MID1: variants seen among roughly 807,000 people sequenced by gnomAD.
MID1 encodes the protein E3 ubiquitin-protein ligase Midline-1.
Under a neutral mutation model 40.4 loss-of-function variants are expected in MID1, and 7 were observed. That is an observed-to-expected ratio of 0.17 (90% CI 0.10 to 0.33). MID1 has a LOEUF of 0.33. MID1 is among the 10% of genes least tolerant of loss of function. The pLI is 1.00. For missense variants in MID1, 367 were observed against 558.5 expected (o/e 0.66, Z 3.46); for synonymous variants, 229 against 221.2 (o/e 1.04, Z -0.31).
chrX:10,635,347 A>G (rs761366869), intron 1 of MID1, among the ~76,000 whole-genome samples: 2 of 112,452 alleles, frequency 1.8e-5, no homozygotes, highest in South Asian at 7.4e-4. Flanking sequence ...CAAACATTTC[A>G]AATGCTTCTA....
intron 1 of MID1, among the ~76,000 whole-genome samples, chrX:10,809,574 C>T (rs1309171255): frequency 1.8e-4 from 20 of 111,551 alleles, no homozygotes; most frequent in East Asian, 1.4e-3. Flanking sequence ...GTGGCACATA[C>T]ACACCATGGA....
At chrX:10,700,291 C>T (rs754813220) in intron 1 of MID1, among the ~76,000 whole-genome samples, 1 of 111,520 alleles carries the variant, frequency 9.0e-6, no homozygotes, top group East Asian at 2.8e-4. Context: ...ATGCCTCATG[C>T]CTGTAATTTC....
intron 3 of MID1, chrX:10,506,100 G>A (rs1432483901): frequency 1.2e-6 from 1 of 821,638 alleles, no homozygotes; most frequent in Non-Finnish European, 1.5e-6. Context: ...ATCTTGCCCT[G>A]TTGTTGTCAT....
intron 1 of MID1, among the ~76,000 whole-genome samples, chrX:10,724,572 G>C (rs1212834051): frequency 8.9e-6 from 1 of 112,172 alleles, no homozygotes; most frequent in Non-Finnish European, 1.9e-5. Flanking sequence ...TAGAGGATGA[G>C]GGCAAGATCT....
chrX:10,484,127 G>T (rs1418152098), intron 4 of MID1, among the ~76,000 whole-genome samples: 1 of 108,653 alleles, frequency 9.2e-6, no homozygotes, highest in Non-Finnish European at 1.9e-5. Context: ...GCTAAGGAAG[G>T]CATCCAGTAC....
At chrX:10,539,513 T>C (rs1026578753) in intron 2 of MID1, among the ~76,000 whole-genome samples, 1 of 112,253 alleles carries the variant, frequency 8.9e-6, no homozygotes, top group African/African-American at 3.2e-5. Flanking sequence ...GAGACTTCAC[T>C]ATAAATTGAG....
chrX:10,533,378 A>AAGAAAGAAAGAAAGAAAGAG (rs775558538), intron 2 of MID1, among the ~76,000 whole-genome samples: 1 of 56,543 alleles, frequency 1.8e-5, no homozygotes, highest in East Asian at 8.4e-4. Flanking sequence ...GAAAGAAAGA[A>AAGAAAGAAAGAAAGAAAGAG]AAAGAAAGAA....
At chrX:10,683,462 A>G (rs887929392) in intron 1 of MID1, among the ~76,000 whole-genome samples, 1 of 110,888 alleles carries the variant, frequency 9.0e-6, no homozygotes, top group Non-Finnish European at 1.9e-5. Flanking sequence ...GGATCGCTTG[A>G]GCTCAGGAGG....
At chrX:10,665,528 C>CTT (rs373056802) in intron 1 of MID1, among the ~76,000 whole-genome samples, 7 of 96,445 alleles carry the variant, frequency 7.3e-5, no homozygotes, top group Non-Finnish European at 4.2e-5. Flanking sequence ...CAAATAGCCA[C>CTT]TTTTTTTTTT....
At chrX:10,793,469 T>C (rs1398624727) in intron 1 of MID1, among the ~76,000 whole-genome samples, 2 of 112,283 alleles carry the variant, frequency 1.8e-5, no homozygotes, top group African/African-American at 3.2e-5. Context: ...TGAAAGGACA[T>C]TGCAAATGAG....
intron 3 of MID1, among the ~76,000 whole-genome samples, chrX:10,514,882 A>G (rs1932325577): frequency 8.9e-6 from 1 of 111,803 alleles, no homozygotes; most frequent in Non-Finnish European, 1.9e-5. Flanking sequence ...GATGTGGTTT[A>G]ATGAGGCCCA....
intron 1 of MID1, among the ~76,000 whole-genome samples, chrX:10,784,204 G>C (rs772384179): frequency 2.4e-4 from 27 of 110,549 alleles, no homozygotes; most frequent in Non-Finnish European, 4.9e-4. Flanking sequence ...GATTTTTATA[G>C]GGATTACATA....
chrX:10,599,880 CAGTT>C (rs1054234048), intron 1 of MID1, among the ~76,000 whole-genome samples: 6 of 112,172 alleles, frequency 5.3e-5, no homozygotes, highest in African/African-American at 1.3e-4. Context: ...TTAGCCTTGA[CAGTT>C]AGAGTATTGT....
chrX:10,793,910 C>G (rs1029155280), intron 1 of MID1, among the ~76,000 whole-genome samples: 10 of 111,312 alleles, frequency 9.0e-5, no homozygotes, highest in African/African-American at 3.3e-4. Context: ...GATATTCTTC[C>G]TTCCATCTCA....
chrX:10,748,384 C>T (rs922974788), intron 1 of MID1, among the ~76,000 whole-genome samples: 4 of 112,061 alleles, frequency 3.6e-5, no homozygotes, highest in Non-Finnish European at 5.6e-5. Flanking sequence ...CGAGATAGTT[C>T]AAGTCTACAT....
intron 1 of MID1, among the ~76,000 whole-genome samples, chrX:10,824,396 G>T (rs772598216): frequency 8.9e-6 from 1 of 112,020 alleles, no homozygotes; most frequent in South Asian, 3.7e-4. Flanking sequence ...CAAACTATTG[G>T]CAAATGATTT....
Position 10,449,380 on chromosome X carries a change from C to A in MID1, c.1992G>T (p.Glu664Asp). 14 of 1,210,094 alleles carry A rather than the reference C, an allele frequency of 1.2e-5. No individual in the cohort carries two copies. Among genetic ancestry groups the A allele is most frequent in the Non-Finnish European group, 1.6e-5 (14 of 894,154 alleles). The change falls in exon 10 of 10, where the codon GAG (glutamate) becomes GAT (aspartate). Residue 664 changes from glutamate to aspartate, a missense_variant. By Grantham distance (45) the Glu-to-Asp change is conservative (BLOSUM62 2). Around this residue, in one of 3 missense-constraint regions of MID1, gnomAD observed 275 missense variants for 383.1 expected, o/e 0.72. Coordinates refer to ENST00000317552, the MANE Select transcript of MID1 (RefSeq NM_000381.4). ...TGTGGCCAGACGCTCACGGCAGCTG[C>A]TCTGTGCAGTCCAAATGGTCTGGGA... ...LPIPDHLDCT[E>D]QLP is the part of the protein sequence containing the mutation.
chrX:10,489,174 C>T (rs1930790019), intron 4 of MID1, among the ~76,000 whole-genome samples: 1 of 111,399 alleles, frequency 9.0e-6, no homozygotes, highest in African/African-American at 3.3e-5. Flanking sequence ...ATATTTTCGC[C>T]TAGTTTGTGG....
intron 1 of MID1, among the ~76,000 whole-genome samples, chrX:10,789,298 A>C (rs185933787): frequency 8.9e-6 from 1 of 112,671 alleles, no homozygotes; most frequent in African/African-American, 3.2e-5. Context: ...CTCTTGAATA[A>C]ATGCTCTTAT....
Sources: allele counts gnomAD v4.1 joint callset (sites outside exome capture counted in the v4.1 genomes callset), GRCh38; gene constraint gnomAD v4.1.1; regional missense constraint gnomAD v4.1.1; transcripts MANE v1.5; gene names NCBI Gene and HGNC (gene_info 2026-07-23, HGNC 2026-07-21).